The following BRINP1 variants were observed in gnomAD, a reference collection of about 807,000 sequenced individuals.
BRINP1 encodes BMP/retinoic acid inducible neural specific 1, also known as BMP/retinoic acid-inducible neural-specific protein 1.
Under a neutral mutation model 72.9 loss-of-function variants are expected in BRINP1, and 17 were observed. The observed-to-expected ratio is 0.23, with a 90% confidence interval of 0.16 to 0.35. The LOEUF (loss-of-function observed/expected upper bound fraction) is 0.35. BRINP1 is among the 10% of genes least tolerant of loss of function. BRINP1 has a pLI of 1.00. For synonymous variants in BRINP1, 418 were observed against 378.5 expected (o/e 1.10, Z -1.21); for missense variants, 850 against 1,001.6 (o/e 0.85, Z 2.04).
chr9:119,249,293 G>A, intron 2 of BRINP1, 143 bp from the exon 3 acceptor site: 1 of 709,690 alleles, frequency 1.4e-6, no homozygotes, highest in South Asian at 2.2e-5. Context: ...GCTTTGATCT[G>A]GAGCTTCCAA....
intron 6 of BRINP1, 25 bp from the exon 7 acceptor site, chr9:119,208,966 A>G (rs1829889701): frequency 1.3e-6 from 2 of 1,585,600 alleles, no homozygotes; most frequent in Non-Finnish European, 8.7e-7. Flanking sequence ...AGGCCGAGAG[A>G]GAAGGGCTAA....
Position 119,214,161 on chromosome 9 carries a change from T to C in BRINP1, c.686-6A>G. 6.3e-7 allele frequency: 1 copy of C among 1,599,040 alleles called. No individual in the cohort carries two copies. Among genetic ancestry groups the C allele is most frequent in the Non-Finnish European group, 8.6e-7 (1 of 1,166,648 alleles). ...AGGAAAGATTATCTGAAGACCTGTG[T>C]GAGAATAGCAAGAAGGGAAAACAGA... On this transcript the variant is annotated splice_region_variant and splice_polypyrimidine_tract_variant and intron_variant, in intron 5 of 7. Transcript: ENST00000265922.
Position 119,344,776 on chromosome 9 carries a change from G to A in BRINP1, c.-51+24280C>T, listed in dbSNP as rs533965113. On this transcript the variant is annotated intron_variant, in intron 1 of 7. Transcript: ENST00000265922. ...AAATAGCTTTGTTCCACTGAAAGAA[G>A]TACTCAATCAGATTATCCATTGACC... Among the ~76,000 whole-genome samples, 9 of 152,282 alleles carry A rather than the reference G, an allele frequency of 5.9e-5. No individual in the cohort carries two copies. The South Asian group carries it at 1.7e-3, about 28-fold the overall frequency.
chr9:119,328,450 G>A (rs1831261513), intron 1 of BRINP1, among the ~76,000 whole-genome samples: 1 of 152,080 alleles, frequency 6.6e-6, no homozygotes, highest in Admixed American at 6.6e-5. Context: ...GTCAATGGAA[G>A]ATTTTTTGTT....
intron 5 of BRINP1, among the ~76,000 whole-genome samples, chr9:119,229,549 T>C (rs992681449): frequency 9.2e-5 from 14 of 152,006 alleles, no homozygotes. Flanking sequence ...AGAGTGACAA[T>C]GGTCATAATG....
chr9:119,177,986 G>A (rs1829508439), intron 7 of BRINP1, among the ~76,000 whole-genome samples: 1 of 152,122 alleles, frequency 6.6e-6, no homozygotes, highest in African/African-American at 2.4e-5. Flanking sequence ...AAAGAAAACA[G>A]AGGGGAAAGG....
chr9:119,339,077 C>G (rs1467010373), intron 1 of BRINP1, among the ~76,000 whole-genome samples: 3 of 152,162 alleles, frequency 2.0e-5, no homozygotes, highest in Non-Finnish European at 4.4e-5. Flanking sequence ...TGGACTGCTG[C>G]TCCTACTAAT....
chr9:119,335,010 G>A (rs1831333955), intron 1 of BRINP1, among the ~76,000 whole-genome samples: 1 of 152,172 alleles, frequency 6.6e-6, no homozygotes, highest in African/African-American at 2.4e-5. Flanking sequence ...GTCTGTTAGA[G>A]TGAGTGATGG....
At chr9:119,190,218 A>C (rs2118848613) in intron 7 of BRINP1, among the ~76,000 whole-genome samples, 1 of 152,056 alleles carries the variant, frequency 6.6e-6, no homozygotes, top group East Asian at 1.9e-4. Flanking sequence ...AACAAGAAGA[A>C]AGATCCCAAA....
At chr9:119,194,943 T>C (rs976439380) in intron 7 of BRINP1, among the ~76,000 whole-genome samples, 1 of 152,208 alleles carries the variant, frequency 6.6e-6, no homozygotes, top group African/African-American at 2.4e-5. Flanking sequence ...TGCTACATAA[T>C]AAAAATTAAC....
At chr9:119,311,482 G>C (rs1454372339) in intron 2 of BRINP1, among the ~76,000 whole-genome samples, 1 of 152,130 alleles carries the variant, frequency 6.6e-6, no homozygotes, top group Non-Finnish European at 1.5e-5. Flanking sequence ...GTAGGGCTCA[G>C]AATCCTGCCT....
At chr9:119,232,247 TCAC>T (rs975110262) in intron 5 of BRINP1, among the ~76,000 whole-genome samples, 8 of 152,180 alleles carry the variant, frequency 5.3e-5, no homozygotes, top group Non-Finnish European at 1.0e-4. Context: ...CAGTCACCTC[TCAC>T]CACCTTCATT....
intron 3 of BRINP1, among the ~76,000 whole-genome samples, chr9:119,247,827 T>C (rs1293340024): frequency 6.7e-6 from 1 of 148,220 alleles, no homozygotes; most frequent in East Asian, 1.9e-4. Context: ...TAATATGACA[T>C]GTGCAGTTTT....
rs991309732 is a variant in BRINP1, at chr9:119,208,712, C to A, written c.1145+7G>T. The A allele has an allele frequency of 6.2e-7, 1 of 1,612,298 alleles. No homozygotes were observed. Among genetic ancestry groups the A allele is most frequent in the Admixed American group, 1.7e-5 (1 of 60,006 alleles). On this transcript the variant is annotated splice_region_variant and intron_variant, in intron 7 of 7. Coordinates refer to ENST00000265922, the MANE Select transcript of BRINP1 (RefSeq NM_014618.3). ...CCTGCAGAGGTGGAGGTGGTGGCAA[C>A]ACTTACCTCTCTCTAGGCAGCTGGT...
chr9:119,223,768 A>C (rs935533139), intron 5 of BRINP1, among the ~76,000 whole-genome samples: 6 of 152,056 alleles, frequency 3.9e-5, no homozygotes, highest in African/African-American at 1.4e-4. Flanking sequence ...TTCTTTCACA[A>C]TATTACAGCT....
intron 2 of BRINP1, among the ~76,000 whole-genome samples, chr9:119,305,697 A>T (rs1437854398): frequency 2.0e-5 from 3 of 152,088 alleles, no homozygotes; most frequent in Non-Finnish European, 4.4e-5. Flanking sequence ...ACCTCAATGC[A>T]ATGTAAGTTC....
chr9:119,284,528 A>G (rs1830741542), intron 2 of BRINP1, among the ~76,000 whole-genome samples: 1 of 152,188 alleles, frequency 6.6e-6, no homozygotes, highest in Non-Finnish European at 1.5e-5. Context: ...AAAAGCCCCA[A>G]TTCAAATACA....
intron 7 of BRINP1, among the ~76,000 whole-genome samples, chr9:119,205,328 C>T (rs1019599719): frequency 3.3e-5 from 5 of 152,102 alleles, no homozygotes; most frequent in Admixed American, 6.5e-5. Flanking sequence ...AATGGTGGAA[C>T]GCCAGACATC....
At chr9:119,313,730 T>TCTTG (rs1294851133) in intron 1 of BRINP1, among the ~76,000 whole-genome samples, 1 of 152,158 alleles carries the variant, frequency 6.6e-6, no homozygotes, top group Non-Finnish European at 1.5e-5. Flanking sequence ...CGAGCCTGTA[T>TCTTG]CTTGGCACTT....
Sources: allele counts gnomAD v4.1 joint callset (sites outside exome capture counted in the v4.1 genomes callset), GRCh38; gene constraint gnomAD v4.1.1; transcripts MANE v1.5; gene names NCBI Gene and HGNC (gene_info 2026-07-23, HGNC 2026-07-21).